The following CHL1 variants were observed in gnomAD, a reference collection of about 807,000 sequenced individuals.
The protein encoded by CHL1 is cell adhesion molecule L1 like, also known as neural cell adhesion molecule L1-like protein.
CHL1 carries 96 observed loss-of-function variants against 141.9 expected under a neutral mutation model. That is an observed-to-expected ratio of 0.68 (90% CI 0.57 to 0.80). CHL1 has a LOEUF of 0.80. CHL1 is among the 30% of genes least tolerant of loss of function. CHL1 has a pLI of 0.00. For synonymous variants in CHL1, 613 were observed against 502.2 expected (o/e 1.22, Z -2.95); for missense variants, 1,820 against 1,457.2 (o/e 1.25, Z -4.05).
chr3:291,488 G>C (rs896920152), intron 2 of CHL1, among the ~76,000 whole-genome samples: 5 of 147,250 alleles, frequency 3.4e-5, no homozygotes, highest in South Asian at 2.2e-4. Flanking sequence ...GAAGGAATTA[G>C]ATGTCCAGTA....
intron 27 of CHL1, among the ~76,000 whole-genome samples, chr3:403,607 T>C (rs964690083): frequency 1.3e-5 from 2 of 152,096 alleles, no homozygotes; most frequent in Admixed American, 6.6e-5. Flanking sequence ...AAGACAATAT[T>C]AGCTCAATTT....
At chr3:400,705 G>A (rs1709054596) in intron 26 of CHL1, among the ~76,000 whole-genome samples, 2 of 151,402 alleles carry the variant, frequency 1.3e-5, no homozygotes, top group Admixed American at 1.3e-4. Flanking sequence ...GGGAGGCTGA[G>A]GCAGGAGAAT....
In CHL1 at chr3:405,586, G is replaced by A. The variant is rs200848343; in HGVS notation, c.3550G>A (p.Gly1184Arg). Residue 1184 changes from glycine (G) to arginine (R), a missense_variant, in exon 28 of 28, where the codon GGA becomes AGA. Gly to Arg is a moderately radical substitution (Grantham distance 125, BLOSUM62 -2). Coordinates refer to ENST00000256509, the MANE Select transcript of CHL1 (RefSeq NM_006614.4). Reference protein sequence around the residue: ...TESADSLVEYGEGDHGLFSED... With the variant: ...TESADSLVEYREGDHGLFSED... Reference sequence around the variant, plus strand: ...AAGTGCTGACAGCTTAGTCGAATACGGAGAGGGAGACCATGGTCTCTTCAG... The same window carrying A: ...AAGTGCTGACAGCTTAGTCGAATACAGAGAGGGAGACCATGGTCTCTTCAG... 30 of 1,613,412 alleles carry A rather than the reference G, an allele frequency of 1.9e-5. No individual in the cohort carries two copies. Among genetic ancestry groups the A allele is most frequent in the Middle Eastern group, 1.7e-4 (1 of 6,056 alleles).
intron 2 of CHL1, among the ~76,000 whole-genome samples, chr3:314,296 G>C (rs1559239857): frequency 1.2e-5 from 1 of 85,512 alleles, no homozygotes; most frequent in South Asian, 3.4e-4. Context: ...CCCCAATCTT[G>C]CACTCTCTCT....
chr3:349,490 C>T lies in CHL1; in HGVS notation c.980C>T (p.Thr327Ile), dbSNP rs1231090477. Residue 327 changes from threonine (T) to isoleucine (I), a missense_variant, in exon 10 of 28, where the codon ACA becomes ATA. Thr to Ile is a moderately conservative substitution (Grantham distance 89, BLOSUM62 -1). Coordinates refer to ENST00000256509, the MANE Select transcript of CHL1 (RefSeq NM_006614.4). ...CAGGACAAAGGAAATTATCGCTGCA[C>T]AGCCAGCAATTTCTTGGGAACAGCC... The part of the protein sequence containing the change: ...SYQDKGNYRC[T>I]ASNFLGTATH... The T allele has an allele frequency of 1.9e-6, 3 of 1,613,858 alleles. No homozygotes were observed. The highest frequency in any genetic ancestry group is 2.5e-6 in the Non-Finnish European group (3 of 1,179,906).
Position 358,996 on chromosome 3 carries a change from G to C in CHL1, c.1166-1288G>C, listed in dbSNP as rs977526688. ...TGTTATATATATATATATTATATAC[G>C]GATATTATATATAATATAATAATAT... On this transcript the variant is annotated intron_variant, in intron 11 of 27. Transcript: ENST00000256509. Among the ~76,000 whole-genome samples, 7 of 144,674 alleles carry C rather than the reference G, an allele frequency of 4.8e-5. No homozygotes were observed. In the Admixed American group the frequency reaches 4.9e-4, roughly 10 times the overall value. The allele number at this position is 144,674 out of a possible 152,430, so 94.9% of individuals were successfully genotyped here. A position where few individuals can be genotyped will look rare whatever the true frequency, so the allele number is the denominator to read the frequency against.
rs572990178 is a variant in CHL1, at chr3:322,687, T to A, written c.91+2820T>A. Among the ~76,000 whole-genome samples, 14 of 143,250 alleles carry A rather than the reference T, an allele frequency of 9.8e-5. 1 individual carries two copies. The highest frequency in any genetic ancestry group is 3.3e-4 in the African/African-American group (13 of 38,882). The allele number at this position is 143,250 out of a possible 152,430, so 94.0% of individuals were successfully genotyped here. On this transcript the variant is annotated intron_variant, in intron 3 of 27. Transcript: ENST00000256509. The stretch of plus-strand genomic sequence containing the variant: ...ATATATATAATTATATATATATATA[T>A]AAAACGAATAGCTGGGTGTGGTGGC...
chr3:307,771 C>T (rs1699375822), intron 2 of CHL1, among the ~76,000 whole-genome samples: 1 of 151,714 alleles, frequency 6.6e-6, no homozygotes, highest in South Asian at 2.1e-4. Flanking sequence ...CATGTAGTAA[C>T]CAGTGCTGCT....
At chr3:212,412 C>T (rs974944856) in intron 1 of CHL1, among the ~76,000 whole-genome samples, 1 of 152,110 alleles carries the variant, frequency 6.6e-6, no homozygotes, top group African/African-American at 2.4e-5. Flanking sequence ...TCAACTTTCC[C>T]CTCAATACAC....
At chr3:226,156 G>T (rs562982559) in intron 1 of CHL1, among the ~76,000 whole-genome samples, 31 of 150,304 alleles carry the variant, frequency 2.1e-4, no homozygotes, top group African/African-American at 7.3e-4. Flanking sequence ...GAGTAGCTGG[G>T]ACTACAGGCA....
chr3:279,647 G>A (rs1381304915), intron 2 of CHL1, among the ~76,000 whole-genome samples: 1 of 152,152 alleles, frequency 6.6e-6, no homozygotes, highest in African/African-American at 2.4e-5. Flanking sequence ...TTGTTCTATG[G>A]TTTTGGAAAT....
intron 14 of CHL1, among the ~76,000 whole-genome samples, chr3:364,537 G>T (rs1296040362): frequency 6.6e-6 from 1 of 152,174 alleles, no homozygotes. Context: ...ACTGCTAGTG[G>T]CCAGAGAGAT....
chr3:402,875 A>T (rs1245017715), intron 27 of CHL1, among the ~76,000 whole-genome samples: 2 of 152,230 alleles, frequency 1.3e-5, no homozygotes, highest in Non-Finnish European at 2.9e-5. Context: ...CTATTGTATT[A>T]GTTAGCAGTT....
chr3:246,702 C>T (rs765627785), intron 2 of CHL1: 2 of 152,058 alleles, frequency 1.3e-5, no homozygotes, highest in Non-Finnish European at 2.9e-5. Flanking sequence ...GGTTTCAACA[C>T]CCAAATTTAT....
rs371563048 is a variant in CHL1 at position 398,339 on chromosome 3, C to G, written c.3207C>G (p.Gly1069=). 1 of 1,605,664 alleles carries G rather than the reference C, an allele frequency of 6.2e-7. No individual in the cohort carries two copies. The highest frequency in any genetic ancestry group is 1.7e-5 in the Admixed American group (1 of 59,930). ...HIVRLMTKNW[G]DNDSIFQDVI... ...TTCGCCTAATGACTAAGAATTGGGGCGATAATGATAGCATTTTTCAAGATG... is the reference window on the plus strand; with the variant it reads ...TTCGCCTAATGACTAAGAATTGGGGGGATAATGATAGCATTTTTCAAGATG... The change falls in exon 25 of 28, where the codon GGC becomes GGG. Residue 1069 remains glycine, a synonymous_variant. Coordinates refer to ENST00000256509, the MANE Select transcript of CHL1 (RefSeq NM_006614.4).
At chr3:209,558 C>T (rs528151788) in intron 1 of CHL1, among the ~76,000 whole-genome samples, 1 of 152,034 alleles carries the variant, frequency 6.6e-6, no homozygotes, top group East Asian at 1.9e-4. Flanking sequence ...TAACAGAACC[C>T]TAATCTTTTT....
At chr3:390,178 A>G (rs1291114636) in intron 20 of CHL1, among the ~76,000 whole-genome samples, 1 of 152,210 alleles carries the variant, frequency 6.6e-6, no homozygotes, top group East Asian at 1.9e-4. Flanking sequence ...CACATATCAC[A>G]AGTGAATTAA....
intron 2 of CHL1, among the ~76,000 whole-genome samples, chr3:266,562 C>T (rs142160334): frequency 7.9e-5 from 12 of 152,262 alleles, no homozygotes; most frequent in African/African-American, 1.7e-4. Flanking sequence ...AAACGTGAAG[C>T]TCCAGTTTTG....
intron 2 of CHL1, among the ~76,000 whole-genome samples, chr3:257,544 G>C: frequency 6.6e-6 from 1 of 151,804 alleles, no homozygotes; most frequent in East Asian, 1.9e-4. Context: ...GTAGAGATGG[G>C]GTTTCACCAT....
Sources: allele counts gnomAD v4.1 joint callset (sites outside exome capture counted in the v4.1 genomes callset), GRCh38; gene constraint gnomAD v4.1.1; transcripts MANE v1.5; gene names NCBI Gene and HGNC (gene_info 2026-07-23, HGNC 2026-07-21).